Variants in KAZN observed in about 807,000 individuals in gnomAD.
KAZN encodes the protein kazrin.
In KAZN, 40 loss-of-function variants were observed where a neutral mutation model predicts 87.4. The observed-to-expected ratio is 0.46, with a 90% CI of 0.36 to 0.60. KAZN has a LOEUF of 0.60. Ranked by LOEUF, KAZN falls within the 20% of genes least tolerant of loss-of-function variation. The pLI, the probability that KAZN is intolerant of heterozygous loss-of-function variation, is 0.00. For synonymous variants in KAZN, 466 were observed against 458.3 expected, an observed-to-expected ratio of 1.02 and a Z score of -0.22; for missense variants, 898 against 1,073.9, an observed-to-expected ratio of 0.84 and a Z score of 2.29.
intron 2 of KAZN, among the ~76,000 whole-genome samples, chr1:14,193,817 G>C (rs184919693): frequency 6.6e-6 from 1 of 151,996 alleles, no homozygotes; most frequent in African/African-American, 2.4e-5. Flanking sequence ...TGGCCCTAGA[G>C]GTTTTTATTT....
chr1:15,046,765 T>C (rs1673595168), intron 4 of KAZN, among the ~76,000 whole-genome samples: 4 of 152,190 alleles, frequency 2.6e-5, no homozygotes, highest in Admixed American at 2.6e-4. Flanking sequence ...CAGGGACTTC[T>C]GGGGTCCAGG....
chr1:15,052,441 T>C (rs1478536162), intron 4 of KAZN, among the ~76,000 whole-genome samples: 2 of 152,048 alleles, frequency 1.3e-5, no homozygotes, highest in Non-Finnish European at 2.9e-5. Context: ...TTCAATTACC[T>C]CCCACTAGGT....
chr1:14,321,939 G>A (rs78600912), intron 2 of KAZN, among the ~76,000 whole-genome samples: 7 of 152,062 alleles, frequency 4.6e-5, no homozygotes, highest in Admixed American at 6.5e-5. Context: ...CTGGGCTCTC[G>A]TTTGCTTATA....
intron 2 of KAZN, among the ~76,000 whole-genome samples, chr1:14,412,479 T>C (rs927588963): frequency 7.9e-5 from 12 of 152,154 alleles, no homozygotes; most frequent in African/African-American, 2.7e-4. Flanking sequence ...CAAAAATCAA[T>C]TGTATACATT....
intron 2 of KAZN, among the ~76,000 whole-genome samples, chr1:14,354,685 C>CACACAA (rs1427516822): frequency 1.1e-4 from 16 of 145,240 alleles, no homozygotes; most frequent in African/African-American, 3.9e-4. Flanking sequence ...CACACACACA[C>CACACAA]ACAAACAAAC....
Position 14,949,972 on chromosome 1 carries a change from C to T in KAZN, c.227-10712C>T, listed in dbSNP as rs1409273533. On this transcript the variant is annotated intron_variant, in intron 1 of 14. Transcript: ENST00000376030. This position sits in a 1 kb window ranked among gnomAD's most constrained non-coding sequence, Gnocchi z 4.3. ...TGTGTTTACAGGCCAGCGGCTTCAC[C>T]GGAAGAGCCTCTGCACGGAAGACGG... Among the ~76,000 whole-genome samples the T allele has an allele frequency of 1.3e-5, 2 of 151,998 alleles. No homozygotes were observed. Among genetic ancestry groups the T allele is most frequent in the African/African-American group, 4.8e-5 (2 of 41,336 alleles).
At chr1:13,983,220 G>C (rs1286579946) in intron 1 of KAZN, among the ~76,000 whole-genome samples, 2 of 152,238 alleles carry the variant, frequency 1.3e-5, no homozygotes, top group Non-Finnish European at 2.9e-5. Context: ...AAGGGGTGGC[G>C]CTCGTGGAGG....
chr1:15,100,708 G>C (rs936910996), intron 10 of KAZN, among the ~76,000 whole-genome samples: 5 of 152,192 alleles, frequency 3.3e-5, no homozygotes, highest in African/African-American at 7.2e-5. Flanking sequence ...TAAGAGAGAG[G>C]GTTTGTAATC....
intron 2 of KAZN, among the ~76,000 whole-genome samples, chr1:15,023,773 G>C (rs1233901123): frequency 1.3e-5 from 2 of 151,762 alleles, no homozygotes; most frequent in Non-Finnish European, 2.9e-5. Flanking sequence ...GGGGGTGGGG[G>C]TGGGGACACA....
intron 1 of KAZN, among the ~76,000 whole-genome samples, chr1:14,734,086 C>T (rs1402479070): frequency 1.3e-5 from 2 of 152,186 alleles, no homozygotes; most frequent in Non-Finnish European, 2.9e-5. Flanking sequence ...GTCCAAGGAA[C>T]TTTGGTCTTG....
At chr1:14,439,897 C>T (rs1266592940) in intron 2 of KAZN, among the ~76,000 whole-genome samples, 1 of 152,168 alleles carries the variant, frequency 6.6e-6, no homozygotes, top group Non-Finnish European at 1.5e-5. Context: ...CCGGAGGGTC[C>T]TTCTTCAGCA....
chr1:14,052,398 C>T (rs1642376025), intron 1 of KAZN, among the ~76,000 whole-genome samples: 1 of 152,194 alleles, frequency 6.6e-6, no homozygotes, highest in Admixed American at 6.5e-5. Context: ...AGTATTTGTT[C>T]ATCCTGCACC....
chr1:15,065,909 G>C (rs867183071), intron 8 of KAZN, 156 bp downstream of exon 8: 1 of 1,463,150 alleles, frequency 6.8e-7, no homozygotes. Flanking sequence ...GCACGTGTGC[G>C]CTGGCACACA....
chr1:13,962,326 T>G (rs1641784814), intron 1 of KAZN, among the ~76,000 whole-genome samples: 2 of 152,040 alleles, frequency 1.3e-5, no homozygotes, highest in African/African-American at 4.8e-5. Context: ...TAACAATACC[T>G]TGTCCCTATC....
At chr1:13,958,393 AC>A (rs1557746121) in intron 1 of KAZN, among the ~76,000 whole-genome samples, 1 of 151,526 alleles carries the variant, frequency 6.6e-6, no homozygotes, top group Non-Finnish European at 1.5e-5. Flanking sequence ...ACACGGTGAA[AC>A]CCCGTCTCTA....
chr1:13,950,700 C>A (rs570473691), intron 1 of KAZN, among the ~76,000 whole-genome samples: 1 of 152,144 alleles, frequency 6.6e-6, no homozygotes, highest in South Asian at 2.1e-4. Context: ...GAAGGAGCTG[C>A]GGCCTGGAGA....
At chr1:14,084,498 C>T (rs1643790989) in intron 1 of KAZN, among the ~76,000 whole-genome samples, 1 of 152,112 alleles carries the variant, frequency 6.6e-6, no homozygotes, top group South Asian at 2.1e-4. Context: ...ACATCCTTTA[C>T]ATATTGTACA....
chr1:14,706,735 C>T (rs1572272547), intron 1 of KAZN, among the ~76,000 whole-genome samples: 1 of 152,182 alleles, frequency 6.6e-6, no homozygotes, highest in African/African-American at 2.4e-5. Context: ...ACACACTCAG[C>T]ACATAACAGT....
At chr1:14,182,033 G>T (rs1258935755) in intron 2 of KAZN, among the ~76,000 whole-genome samples, 1 of 152,024 alleles carries the variant, frequency 6.6e-6, no homozygotes, top group Non-Finnish European at 1.5e-5. Context: ...GGAAATGTTT[G>T]CTCCCACCGA....
Sources: allele counts gnomAD v4.1 joint callset (sites outside exome capture counted in the v4.1 genomes callset), GRCh38; gene constraint gnomAD v4.1.1; non-coding constraint Gnocchi (gnomAD v3.1); transcripts MANE v1.5; gene names NCBI Gene and HGNC (gene_info 2026-07-23, HGNC 2026-07-21).